Variants in ARHGAP26 observed in about 807,000 individuals in gnomAD.
ARHGAP26 encodes the protein rho GTPase-activating protein 26.
ARHGAP26 carries 38 observed loss-of-function variants against 104.8 expected under a neutral mutation model. The observed-to-expected ratio is 0.36, with a 90% CI of 0.28 to 0.48. The LOEUF (loss-of-function observed/expected upper bound fraction) is 0.48, where lower values mean the gene tolerates loss of function less well. Ranked by LOEUF, ARHGAP26 falls within the 20% of genes least tolerant of loss-of-function variation. The pLI, the probability that ARHGAP26 is intolerant of heterozygous loss-of-function variation, is 0.99. For synonymous variants in ARHGAP26, 341 were observed against 340.0 expected, an observed-to-expected ratio of 1.00 and a Z score of -0.03; for missense variants, 704 against 947.9, an observed-to-expected ratio of 0.74 and a Z score of 3.38.
Position 143,226,341 on chromosome 5 carries a change from T to A in ARHGAP26, c.*3895T>A, listed in dbSNP as rs1811669704. 1 of 174,584 alleles carries A rather than the reference T, an allele frequency of 5.7e-6. No homozygotes were observed. The highest frequency in any genetic ancestry group is 2.4e-5 in the African/African-American group (1 of 41,932). The allele number at this position is 174,584 out of a possible 1,614,324, so 10.8% of individuals were successfully genotyped here. On this transcript the variant is annotated 3_prime_UTR_variant, in exon 23 of 23. Transcript: ENST00000645722. ...CTAAAAATACAAAAAATTAGCCGGG[T>A]GTGGTGGCGGGCGCCTGTAGTCCCA... is the stretch of plus-strand genomic sequence containing the variant.
intron 17 of ARHGAP26, among the ~76,000 whole-genome samples, chr5:143,099,036 A>G (rs1243652139): frequency 1.3e-5 from 2 of 152,222 alleles, no homozygotes; most frequent in South Asian, 2.1e-4. Context: ...AAAAGGTCAC[A>G]AAGTTTGATT....
At chr5:143,078,761 G>A (rs1452578912) in intron 17 of ARHGAP26, among the ~76,000 whole-genome samples, 1 of 152,234 alleles carries the variant, frequency 6.6e-6, no homozygotes, top group Non-Finnish European at 1.5e-5. Flanking sequence ...CAACTGTGGT[G>A]AAATAAGACA....
intron 1 of ARHGAP26, among the ~76,000 whole-genome samples, chr5:142,841,412 C>T (rs921509589): frequency 2.0e-5 from 3 of 152,172 alleles, no homozygotes; most frequent in African/African-American, 4.8e-5. Context: ...ACATCATTGC[C>T]GTTACGTTTA....
At chr5:143,031,524 G>A (rs1288180445) in intron 12 of ARHGAP26, among the ~76,000 whole-genome samples, 1 of 151,900 alleles carries the variant, frequency 6.6e-6, no homozygotes, top group African/African-American at 2.4e-5. Context: ...GTGGTGCCAA[G>A]GGTGATACTT....
At chr5:142,975,207 C>G (rs1057088356) in intron 11 of ARHGAP26, among the ~76,000 whole-genome samples, 7 of 152,146 alleles carry the variant, frequency 4.6e-5, no homozygotes, top group African/African-American at 1.7e-4. Context: ...ACGGCATGGA[C>G]TTGGAAAAGC....
intron 10 of ARHGAP26, among the ~76,000 whole-genome samples, chr5:142,928,375 G>A (rs1209061851): frequency 6.6e-6 from 1 of 152,070 alleles, no homozygotes; most frequent in African/African-American, 2.4e-5. Context: ...TTAGCTCGTT[G>A]CCTAGAGTAG....
intron 11 of ARHGAP26, among the ~76,000 whole-genome samples, chr5:142,964,841 A>C (rs1157953530): frequency 6.6e-6 from 1 of 152,168 alleles, no homozygotes; most frequent in Non-Finnish European, 1.5e-5. Flanking sequence ...AGAAATAAAG[A>C]CACAAGACTA....
intron 22 of ARHGAP26, among the ~76,000 whole-genome samples, chr5:143,215,257 C>T (rs1810162088): frequency 6.6e-6 from 1 of 152,240 alleles, no homozygotes; most frequent in Admixed American, 6.5e-5. Flanking sequence ...GAATCCAGGG[C>T]TTAAAGGTCT....
chr5:143,147,608 G>GAT (rs1799321423), intron 20 of ARHGAP26: 2 of 516,926 alleles, frequency 3.9e-6, no homozygotes, highest in Admixed American at 7.4e-5. Context: ...GGTGATTTTT[G>GAT]ATTTACTGTC....
At position 143,042,028 on chromosome 5, in the gene ARHGAP26, C is replaced by T. The variant is rs981206198; in HGVS notation, c.1285+138C>T. ...GAGCTGTCACCTAGAAGTCATCTGCCCCATCGGTCAGTTGTCATGGCTTCA... is the reference window on the plus strand; with the variant it reads ...GAGCTGTCACCTAGAAGTCATCTGCTCCATCGGTCAGTTGTCATGGCTTCA... On this transcript the variant is annotated intron_variant, in intron 14 of 22. Transcript: ENST00000645722. 1.1e-5 allele frequency: 8 copies of T among 702,454 alleles called. No homozygotes were observed. In the African/African-American group the frequency reaches 1.4e-4, roughly 12 times the overall value. 43.5% of individuals were successfully genotyped at this position (702,454 alleles called of 1,614,324 possible).
chr5:142,830,732 A>G lies in ARHGAP26; in HGVS notation c.155-42668A>G, dbSNP rs143091071. On this transcript the variant is annotated intron_variant, in intron 1 of 22. Coordinates refer to ENST00000645722, the MANE Select transcript of ARHGAP26 (RefSeq NM_001135608.3). ...AGACAGACAGACAGATACACACACA[A>G]AATATGTAGCCTCTGGGAGTCAAGT... Among the ~76,000 whole-genome samples, 472 of 152,296 alleles carry G rather than the reference A, an allele frequency of 3.1e-3. 3 individuals are homozygous for G. Among genetic ancestry groups the G allele is most frequent in the African/African-American group, 0.011 (456 of 41,574 alleles).
At chr5:143,125,324 A>G (rs1288178046) in intron 18 of ARHGAP26, among the ~76,000 whole-genome samples, 2 of 152,154 alleles carry the variant, frequency 1.3e-5, no homozygotes, top group African/African-American at 4.8e-5. Context: ...TTTGTCACTC[A>G]CACCCACACA....
At chr5:142,879,307 G>A (rs1250746759) in intron 3 of ARHGAP26, 67 bp from the exon 4 acceptor site, 1 of 1,432,856 alleles carries the variant, frequency 7.0e-7, no homozygotes, top group East Asian at 2.3e-5. Flanking sequence ...TCATGCTGGA[G>A]CTGCTGTAAT....
At chr5:143,005,952 C>A (rs1777894415) in intron 11 of ARHGAP26, among the ~76,000 whole-genome samples, 1 of 152,112 alleles carries the variant, frequency 6.6e-6, no homozygotes, top group Non-Finnish European at 1.5e-5. Context: ...AGGTACAGAA[C>A]CCCTTTCTTA....
chr5:143,006,732 G>C (rs986913737), intron 11 of ARHGAP26, among the ~76,000 whole-genome samples: 3 of 152,198 alleles, frequency 2.0e-5, no homozygotes, highest in Non-Finnish European at 1.5e-5. Flanking sequence ...CCCTGGCTCT[G>C]ACCCCTTGAG....
chr5:143,097,346 C>G (rs1310120141), intron 17 of ARHGAP26, among the ~76,000 whole-genome samples: 1 of 124,670 alleles, frequency 8.0e-6, no homozygotes, highest in Non-Finnish European at 1.6e-5. Flanking sequence ...AGAGAGACTC[C>G]GTCTCAAAAA....
intron 20 of ARHGAP26, among the ~76,000 whole-genome samples, chr5:143,159,109 G>A (rs1800876488): frequency 6.6e-6 from 1 of 152,194 alleles, no homozygotes; most frequent in South Asian, 2.1e-4. Flanking sequence ...GAACCCAGAA[G>A]GATATATGAG....
chr5:143,072,467 C>G (rs956420768), intron 17 of ARHGAP26, among the ~76,000 whole-genome samples: 1 of 152,156 alleles, frequency 6.6e-6, no homozygotes, highest in Non-Finnish European at 1.5e-5. Flanking sequence ...GTTTCTTGCA[C>G]CACTATTCAT....
chr5:142,826,732 G>A (rs1397391333), intron 1 of ARHGAP26, among the ~76,000 whole-genome samples: 1 of 152,154 alleles, frequency 6.6e-6, no homozygotes, highest in African/African-American at 2.4e-5. Context: ...CTAGTTTTCA[G>A]CCTTAAAGCC....
Sources: allele counts gnomAD v4.1 joint callset (sites outside exome capture counted in the v4.1 genomes callset), GRCh38; gene constraint gnomAD v4.1.1; transcripts MANE v1.5; gene names NCBI Gene and HGNC (gene_info 2026-07-23, HGNC 2026-07-21).